DOCK4: variants seen among roughly 807,000 people sequenced by gnomAD.
The protein encoded by DOCK4 is dedicator of cytokinesis protein 4.
In DOCK4, 97 loss-of-function variants were observed where a neutral mutation model predicts 268.1. The observed-to-expected ratio is 0.36, with a 90% CI of 0.31 to 0.43. The LOEUF is 0.43. Among genes scored for constraint, DOCK4 ranks in the 20% least tolerant of loss-of-function variants. The pLI, the probability that DOCK4 is intolerant of heterozygous loss-of-function variation, is 1.00. For missense variants in DOCK4, 2,145 were observed against 2,455.7 expected (o/e 0.87, Z 2.67); for synonymous variants, 954 against 887.2 (o/e 1.08, Z -1.34).
intron 1 of DOCK4, among the ~76,000 whole-genome samples, chr7:112,146,166 T>G (rs1815471455): frequency 6.6e-6 from 1 of 152,304 alleles, no homozygotes; most frequent in African/African-American, 2.4e-5. Flanking sequence ...GAACTCACCT[T>G]TGAAAAGTGG....
At chr7:111,819,808 G>A (rs901570335) in intron 27 of DOCK4, 1 of 152,150 alleles carries the variant, frequency 6.6e-6, no homozygotes, top group Non-Finnish European at 1.5e-5. Flanking sequence ...CACACGACTG[G>A]GTTAATAAAA....
chr7:112,123,935 T>C (rs998010131), intron 1 of DOCK4, among the ~76,000 whole-genome samples: 30 of 152,200 alleles, frequency 2.0e-4, no homozygotes, highest in Non-Finnish European at 4.1e-4. Context: ...GGCACACCCA[T>C]TACTCTGCCC....
chr7:112,104,308 A>G (rs1040777911), intron 1 of DOCK4, among the ~76,000 whole-genome samples: 5 of 152,348 alleles, frequency 3.3e-5, no homozygotes, highest in African/African-American at 1.2e-4. Flanking sequence ...CATACCATTC[A>G]GCAATTATTA....
chr7:111,958,678 T>G (rs953243282), intron 8 of DOCK4, among the ~76,000 whole-genome samples: 1 of 152,204 alleles, frequency 6.6e-6, no homozygotes, highest in Non-Finnish European at 1.5e-5. Flanking sequence ...TATGAGTTTT[T>G]GGTTTTCTGC....
At position 111,962,889 on chromosome 7, in the gene DOCK4, G is replaced by A. The variant is rs116315137; in HGVS notation, c.701+14243C>T. ...TTAAGACTTTTTGTATTTAATCATC[G>A]GGATAACACTTTTTCCAGAAGTACT... On this transcript the variant is annotated intron_variant, in intron 8 of 52. Transcript: ENST00000428084. 5.5e-3 allele frequency among the ~76,000 whole-genome samples: 841 copies of A among 152,176 alleles called. 11 individuals carry two copies. Among genetic ancestry groups the A allele is most frequent in the African/African-American group, 0.019 (780 of 41,522 alleles).
chr7:111,902,761 TTTC>T (rs1360732223), intron 13 of DOCK4, among the ~76,000 whole-genome samples: 3 of 150,790 alleles, frequency 2.0e-5, no homozygotes, highest in Non-Finnish European at 4.4e-5. Flanking sequence ...TGTTTTCTTT[TTTC>T]TTTTCTTTTT....
Position 111,935,228 on chromosome 7 carries a change from G to A in DOCK4, c.1066+312C>T, listed in dbSNP as rs142079378. 884 of 373,442 alleles carry A rather than the reference G, an allele frequency of 2.4e-3. 6 individuals are homozygous for A. Among genetic ancestry groups the A allele is most frequent in the African/African-American group, 0.017 (826 of 47,432 alleles). 23.1% of individuals were successfully genotyped at this position (373,442 alleles called of 1,614,324 possible). On this transcript the variant is annotated intron_variant, in intron 12 of 52. Coordinates refer to ENST00000428084, the MANE Select transcript of DOCK4 (RefSeq NM_001363540.2). ...CTCCCAAAGTGCTGGGATTACAGGC[G>A]TGAGCCACCGTGCCTGGCTGATTTT...
intron 26 of DOCK4, among the ~76,000 whole-genome samples, chr7:111,824,232 C>T (rs2133978051): frequency 6.6e-6 from 1 of 152,252 alleles, no homozygotes; most frequent in African/African-American, 2.4e-5. Flanking sequence ...GAAGCCCTTT[C>T]TAATGCATTT....
intron 17 of DOCK4, among the ~76,000 whole-genome samples, chr7:111,875,041 A>G (rs1283312184): frequency 1.3e-5 from 2 of 152,242 alleles, no homozygotes; most frequent in Admixed American, 6.5e-5. Context: ...ATGTGTGTTT[A>G]GCATGTAAAT....
chr7:112,119,442 C>T (rs1437116225), intron 1 of DOCK4, among the ~76,000 whole-genome samples: 1 of 152,176 alleles, frequency 6.6e-6, no homozygotes, highest in African/African-American at 2.4e-5. Context: ...CCAACACCAT[C>T]TCAGGATGGC....
intron 41 of DOCK4, among the ~76,000 whole-genome samples, chr7:111,756,375 C>G (rs1461516011): frequency 6.6e-6 from 1 of 151,920 alleles, no homozygotes; most frequent in Admixed American, 6.6e-5. Flanking sequence ...TTTGAAGACA[C>G]TAGGTCTTAA....
At chr7:111,816,376 T>G (rs992107108) in intron 27 of DOCK4, among the ~76,000 whole-genome samples, 3 of 152,248 alleles carry the variant, frequency 2.0e-5, no homozygotes, top group Non-Finnish European at 4.4e-5. Flanking sequence ...CAGCAAAAAA[T>G]CAACGCAAAG....
intron 5 of DOCK4, 108 bp from the exon 6 acceptor site, chr7:111,989,271 T>A: frequency 6.9e-7 from 1 of 1,446,796 alleles, no homozygotes; most frequent in Non-Finnish European, 9.4e-7. Context: ...ACTATGTGCT[T>A]GCCACTCTGG....
chr7:111,753,377 AGGTG>A (rs1219525564), intron 42 of DOCK4, among the ~76,000 whole-genome samples: 48 of 152,262 alleles, frequency 3.2e-4, no homozygotes, highest in African/African-American at 9.9e-4. Flanking sequence ...TGGGAGGCTG[AGGTG>A]GGAGGATCAC....
In DOCK4 at chr7:112,122,914, T is replaced by C. The variant is rs116008729; in HGVS notation, c.37+83188A>G. Among the ~76,000 whole-genome samples, 712 of 152,346 alleles carry C rather than the reference T, an allele frequency of 4.7e-3. 8 individuals carry two copies. The highest frequency in any genetic ancestry group is 0.016 in the African/African-American group (678 of 41,588). ...CAAGATCACTTCCAATTTTCTCATATGAGGTGTAGACGCCAAGGGAAACTT... is the reference window on the plus strand; with the variant it reads ...CAAGATCACTTCCAATTTTCTCATACGAGGTGTAGACGCCAAGGGAAACTT... On this transcript the variant is annotated intron_variant, in intron 1 of 52. Coordinates refer to ENST00000428084, the MANE Select transcript of DOCK4 (RefSeq NM_001363540.2).
At chr7:111,914,577 C>T (rs1446444819) in intron 13 of DOCK4, among the ~76,000 whole-genome samples, 1 of 152,180 alleles carries the variant, frequency 6.6e-6, no homozygotes, top group African/African-American at 2.4e-5. Flanking sequence ...TGCAGGACCA[C>T]TGCCCTTATT....
At chr7:111,850,343 C>G (rs1279797523) in intron 23 of DOCK4, among the ~76,000 whole-genome samples, 2 of 151,804 alleles carry the variant, frequency 1.3e-5, no homozygotes, top group African/African-American at 4.8e-5. Context: ...TTCCTGTCTA[C>G]CCACCCGACT....
chr7:111,959,872 T>C (rs968027392), intron 8 of DOCK4, among the ~76,000 whole-genome samples: 1 of 152,248 alleles, frequency 6.6e-6, no homozygotes, highest in East Asian at 1.9e-4. Context: ...CTGCTTCTGA[T>C]CCCTATTTGC....
At chr7:111,937,876 A>G (rs1794869978) in intron 11 of DOCK4, among the ~76,000 whole-genome samples, 1 of 152,224 alleles carries the variant, frequency 6.6e-6, no homozygotes, top group African/African-American at 2.4e-5. Flanking sequence ...AAAACTGAGT[A>G]GGAGCGTCTG....
Sources: allele counts gnomAD v4.1 joint callset (sites outside exome capture counted in the v4.1 genomes callset), GRCh38; gene constraint gnomAD v4.1.1; transcripts MANE v1.5; gene names NCBI Gene and HGNC (gene_info 2026-07-23, HGNC 2026-07-21).